Variants in FSTL5 observed in about 807,000 individuals in gnomAD.
The protein encoded by FSTL5 is follistatin-related protein 5.
In FSTL5, 62 loss-of-function variants were observed where a neutral mutation model predicts 89.1. The ratio of observed to expected loss-of-function variants is 0.70; its 90% confidence interval spans 0.57 to 0.86. The LOEUF (loss-of-function observed/expected upper bound fraction) is 0.86. Among genes scored for constraint, FSTL5 ranks in the 40% least tolerant of loss-of-function variants. The pLI is 0.00. For missense variants in FSTL5, 1,057 were observed against 1,001.6 expected, an observed-to-expected ratio of 1.06 and a Z score of -0.75; for synonymous variants, 383 against 346.2, an observed-to-expected ratio of 1.11 and a Z score of -1.18.
intron 3 of FSTL5, among the ~76,000 whole-genome samples, chr4:162,029,964 T>A (rs1578963833): frequency 6.6e-6 from 1 of 150,752 alleles, no homozygotes; most frequent in Non-Finnish European, 1.5e-5. Context: ...CAGGCTGGAG[T>A]GCAGGGGCAT....
chr4:161,485,581 C>T (rs1365860277), intron 12 of FSTL5, among the ~76,000 whole-genome samples: 1 of 151,728 alleles, frequency 6.6e-6, no homozygotes, highest in Non-Finnish European at 1.5e-5. Flanking sequence ...ATAAATAAAC[C>T]AAAGAAAGAA....
intron 9 of FSTL5, among the ~76,000 whole-genome samples, chr4:161,541,560 G>A (rs376304500): frequency 1.3e-5 from 2 of 151,960 alleles, no homozygotes; most frequent in Non-Finnish European, 2.9e-5. Context: ...AGTTTTTAAA[G>A]TTTAAGGACA....
At chr4:161,825,322 T>C (rs1560866935) in intron 4 of FSTL5, among the ~76,000 whole-genome samples, 1 of 150,724 alleles carries the variant, frequency 6.6e-6, no homozygotes, top group East Asian at 1.9e-4. Flanking sequence ...TTTGCATCTA[T>C]ATTCATCAGA....
chr4:161,532,381 C>T (rs1044942570), intron 10 of FSTL5, among the ~76,000 whole-genome samples: 6 of 151,876 alleles, frequency 4.0e-5, no homozygotes, highest in African/African-American at 1.5e-4. Context: ...ATGTAGTACC[C>T]CCACATCAGT....
At chr4:161,794,909 A>C in intron 4 of FSTL5, among the ~76,000 whole-genome samples, 1 of 152,088 alleles carries the variant, frequency 6.6e-6, no homozygotes, top group East Asian at 1.9e-4. Flanking sequence ...ACTCACATAA[A>C]CATAGTAACT....
intron 2 of FSTL5, among the ~76,000 whole-genome samples, chr4:162,089,704 T>C (rs1730469499): frequency 6.6e-6 from 1 of 150,562 alleles, no homozygotes; most frequent in Non-Finnish European, 1.5e-5. Flanking sequence ...ATCGTTGCTA[T>C]ACTTAAAAAT....
chr4:161,897,769 T>C (rs1733213446), intron 4 of FSTL5, among the ~76,000 whole-genome samples: 1 of 151,792 alleles, frequency 6.6e-6, no homozygotes, highest in African/African-American at 2.4e-5. Flanking sequence ...ATTCTTTGTG[T>C]TGTACATTTG....
At chr4:161,474,544 G>GTTTTTTTTTTTTTTTTTTTTTTTTTT (rs147822987) in intron 13 of FSTL5, among the ~76,000 whole-genome samples, 1 of 121,844 alleles carries the variant, frequency 8.2e-6, no homozygotes. Context: ...ATTGTGTAGT[G>GTTTTTTTTTTTTTTTTTTTTTTTTTT]GTTTTTTTTT....
At chr4:162,097,903 T>C (rs992216102) in intron 2 of FSTL5, among the ~76,000 whole-genome samples, 3 of 151,952 alleles carry the variant, frequency 2.0e-5, no homozygotes, top group Admixed American at 6.6e-5. Flanking sequence ...AAAGGTCTGG[T>C]AGTTTCTTAT....
In FSTL5 at chr4:161,758,758, T is replaced by A. The variant is rs562338611; in HGVS notation, c.727+653A>T. Among the ~76,000 whole-genome samples the A allele has an allele frequency of 3.3e-5, 5 of 152,290 alleles. No individual in the cohort carries two copies. In the South Asian group the frequency reaches 1.0e-3, roughly 32 times the overall value. ...GTCTTGAACTCCTGACCTCAGGTGA[T>A]CCACCCACCTCAGCCTCCCAAAGTG... On this transcript the variant is annotated intron_variant, in intron 6 of 15. Transcript: ENST00000306100.
At chr4:162,001,510 T>C (rs866319023) in intron 3 of FSTL5, among the ~76,000 whole-genome samples, 2 of 152,150 alleles carry the variant, frequency 1.3e-5, no homozygotes, top group Admixed American at 6.5e-5. Flanking sequence ...TCATTGTACA[T>C]GAAGGGTCTG....
intron 6 of FSTL5, among the ~76,000 whole-genome samples, chr4:161,702,523 T>G (rs1192250036): frequency 6.6e-6 from 1 of 152,090 alleles, no homozygotes; most frequent in Non-Finnish European, 1.5e-5. Context: ...TAGAGTAAAC[T>G]CAGAATGTTT....
intron 3 of FSTL5, among the ~76,000 whole-genome samples, chr4:161,952,155 T>C (rs542840128): frequency 6.6e-6 from 1 of 152,208 alleles, no homozygotes; most frequent in South Asian, 2.1e-4. Flanking sequence ...TGGATCTTTC[T>C]TTAAAATGTG....
At chr4:161,459,934 G>A (rs912091307) in intron 13 of FSTL5, among the ~76,000 whole-genome samples, 8 of 150,426 alleles carry the variant, frequency 5.3e-5, no homozygotes, top group African/African-American at 1.9e-4. Flanking sequence ...TGTTTTTTTT[G>A]CTAATATTTA....
At chr4:161,844,100 A>C (rs1731294767) in intron 4 of FSTL5, among the ~76,000 whole-genome samples, 1 of 152,124 alleles carries the variant, frequency 6.6e-6, no homozygotes, top group African/African-American at 2.4e-5. Flanking sequence ...AATATACAAG[A>C]AAAAAACAAC....
chr4:161,808,331 C>T (rs1730033082), intron 4 of FSTL5, among the ~76,000 whole-genome samples: 1 of 151,882 alleles, frequency 6.6e-6, no homozygotes, highest in Admixed American at 6.6e-5. Context: ...ATACATTGCC[C>T]TCCAAAAAAA....
At chr4:161,999,798 T>G (rs913586860) in intron 3 of FSTL5, among the ~76,000 whole-genome samples, 1 of 152,328 alleles carries the variant, frequency 6.6e-6, no homozygotes, top group South Asian at 2.1e-4. Context: ...TGATACATAA[T>G]GCACACTCCC....
At chr4:161,738,865 G>A (rs1164563727) in intron 6 of FSTL5, among the ~76,000 whole-genome samples, 1 of 151,968 alleles carries the variant, frequency 6.6e-6, no homozygotes, top group Non-Finnish European at 1.5e-5. Flanking sequence ...TACATATTTG[G>A]TTAAATCACT....
intron 4 of FSTL5, among the ~76,000 whole-genome samples, chr4:161,790,052 T>C (rs1729406379): frequency 6.6e-6 from 1 of 152,220 alleles, no homozygotes; most frequent in Non-Finnish European, 1.5e-5. Flanking sequence ...ATGTTATTAT[T>C]TTTATTATTG....
Sources: gnomAD v4.1 joint callset for allele counts (sites outside exome capture counted in the v4.1 genomes callset) on GRCh38, gnomAD v4.1.1 for gene constraint, MANE v1.5 for transcripts, NCBI Gene and HGNC (gene_info 2026-07-23, HGNC 2026-07-21) for gene names.